ADGRG2: variants seen among roughly 807,000 people sequenced by gnomAD.
ADGRG2 encodes the protein G protein-coupled receptor 64.
ADGRG2 carries 26 observed loss-of-function variants against 74.1 expected under a neutral mutation model. The ratio of observed to expected loss-of-function variants is 0.35; its 90% CI spans 0.26 to 0.49. The LOEUF (loss-of-function observed/expected upper bound fraction) is 0.49, where lower values mean the gene tolerates loss of function less well. Among genes scored for constraint, ADGRG2 ranks in the 20% least tolerant of loss-of-function variants. ADGRG2 has a pLI of 0.99. For missense variants in ADGRG2, 619 were observed against 763.1 expected, an observed-to-expected ratio of 0.81 and a Z score of 2.22; for synonymous variants, 296 against 295.2, an observed-to-expected ratio of 1.00 and a Z score of -0.03.
In ADGRG2 at chrX:18,996,108, T is replaced by C. The variant is rs773028651; in HGVS notation, c.2659A>G (p.Arg887Gly). 8.4e-7 allele frequency: 1 copy of C among 1,188,798 alleles called. No homozygotes were observed. The highest frequency in any genetic ancestry group is 2.2e-5 in the Admixed American group (1 of 45,787). Residue 887 changes from arginine (R) to glycine (G), a missense_variant, in exon 27 of 29, where the codon AGG becomes GGG. Arg to Gly is a moderately radical substitution (Grantham distance 125, BLOSUM62 -2). Transcript: ENST00000379869. ...IFYCVAKENV[R>G]KQWRRYLCCG... is the part of the protein sequence containing the mutation. ...CAAAGATACCGCCTCCATTGCTTCC[T>C]GACATTTTCTTTGGCCACACAGTAA... is the stretch of plus-strand genomic sequence containing the variant.
chrX:19,084,897 T>A (rs2061914645), intron 1 of ADGRG2, among the ~76,000 whole-genome samples: 1 of 112,625 alleles, frequency 8.9e-6, no homozygotes, highest in Admixed American at 9.4e-5. Flanking sequence ...TTGAAAAGCC[T>A]AGTAATATCC....
rs769332334 is a variant in ADGRG2, at chrX:19,004,790, C to A, written c.1929G>T (p.Leu643=). ...YIGCGLSSIF[L]SVTLVTYIAF... is the part of the protein sequence containing the mutation. Reference sequence around the variant, plus strand: ...CTATGTAGGTTACAAGAGTCACTGACAGAAAAATTGATGAAAGCCCACAAC... The same window carrying A: ...CTATGTAGGTTACAAGAGTCACTGAAAGAAAAATTGATGAAAGCCCACAAC... The change falls in exon 23 of 29, where the codon CTG becomes CTT. Residue 643 remains leucine (L), a synonymous_variant. Coordinates refer to ENST00000379869, the MANE Select transcript of ADGRG2 (RefSeq NM_001079858.3). 3 of 1,208,784 alleles carry A rather than the reference C, an allele frequency of 2.5e-6. No individual in the cohort carries two copies. The South Asian group carries it at 5.3e-5, about 21-fold the overall frequency.
At chrX:19,016,870 G>A (rs1338776671) in intron 15 of ADGRG2, among the ~76,000 whole-genome samples, 1 of 108,794 alleles carries the variant, frequency 9.2e-6, no homozygotes, top group Non-Finnish European at 1.9e-5. Context: ...GGGACTACAG[G>A]TGTACATCAC....
At chrX:19,032,156 T>A (rs779785998) in intron 8 of ADGRG2, 1 of 111,792 alleles carries the variant, frequency 8.9e-6, no homozygotes, top group African/African-American at 3.2e-5. Flanking sequence ...TTTCTGCTAG[T>A]GTGATTTATT....
intron 4 of ADGRG2, among the ~76,000 whole-genome samples, 184 bp downstream of exon 4, chrX:19,040,005 C>T (rs992580530): frequency 3.6e-5 from 4 of 112,047 alleles, no homozygotes; most frequent in African/African-American, 1.3e-4. Flanking sequence ...GCAATATGGA[C>T]GGATCAATAT....
intron 9 of ADGRG2, among the ~76,000 whole-genome samples, chrX:19,029,004 T>C (rs1451414284): frequency 8.9e-6 from 1 of 111,937 alleles, no homozygotes; most frequent in Non-Finnish European, 1.9e-5. Flanking sequence ...AAAACTTTAT[T>C]TACAAAAACA....
In ADGRG2 at chrX:19,007,349, G is replaced by A. The variant is rs1172037843; in HGVS notation, c.1575C>T (p.Ser525=). ...AGCTGATCAGAGAGAGGTTCTCCAG[G>A]GAAGGATCCTGGCACATCAAGATGG... ...FETPALFQDP[S]LENLSLISYV... is the part of the protein sequence containing the mutation. The change falls in exon 20 of 29, where the codon TCC becomes TCT. Residue 525 remains serine (S), a synonymous_variant. Coordinates refer to ENST00000379869, the MANE Select transcript of ADGRG2 (RefSeq NM_001079858.3). The A allele has an allele frequency of 7.4e-6, 9 of 1,208,504 alleles. No homozygotes were observed. The highest frequency in any genetic ancestry group is 4.6e-4 in the Middle Eastern group (2 of 4,348).
chrX:19,082,553 A>AAAAAC (rs1291900017), intron 2 of ADGRG2, 149 bp downstream of exon 2: 1 of 111,486 alleles, frequency 9.0e-6, no homozygotes, highest in African/African-American at 3.3e-5. Context: ...GTGAGGAGTT[A>AAAAAC]AAAACAAAAC....
At chrX:19,044,370 CTT>C (rs2061134225) in intron 3 of ADGRG2, among the ~76,000 whole-genome samples, 1 of 111,789 alleles carries the variant, frequency 8.9e-6, no homozygotes, top group South Asian at 3.7e-4. Flanking sequence ...TCTGACTCCT[CTT>C]CACTTTTAAG....
chrX:19,086,400 C>T (rs2061936546), intron 1 of ADGRG2, among the ~76,000 whole-genome samples: 2 of 111,713 alleles, frequency 1.8e-5, no homozygotes, highest in Non-Finnish European at 3.8e-5. Flanking sequence ...CAAACCATGA[C>T]ATCAGGGAGG....
intron 24 of ADGRG2, among the ~76,000 whole-genome samples, chrX:19,000,520 G>C (rs898803434): frequency 1.8e-5 from 2 of 111,435 alleles, no homozygotes; most frequent in Admixed American, 9.5e-5. Flanking sequence ...CCACTTCCAG[G>C]CCTGCCCCAT....
intron 8 of ADGRG2, 162 bp downstream of exon 8, chrX:19,033,451 A>C: frequency 2.6e-6 from 1 of 384,068 alleles, no homozygotes. Context: ...CCAAACACCT[A>C]GTACAATTTC....
chrX:18,999,952 C>T lies in ADGRG2; in HGVS notation c.2239G>A (p.Ala747Thr), dbSNP rs926004663. 8.9e-7 allele frequency: 1 copy of T among 1,117,989 alleles called. No homozygotes were observed. Among genetic ancestry groups the T allele is most frequent in the African/African-American group, 1.8e-5 (1 of 55,323 alleles). The allele number at this position is 1,117,989 out of a possible 1,213,427, so 92.1% of individuals were successfully genotyped here. ...GTCAGGATGATGGTCACAACCACAG[C>T]TGGTACCCCTGGAAGATGGGAAACA... Reference protein sequence around the residue: ...KFCIVGWGVPAVVVTIILTIS... With the variant: ...KFCIVGWGVPTVVVTIILTIS... Residue 747 changes from alanine (A) to threonine (T), a missense_variant, in exon 25 of 29, where the codon GCT (alanine) becomes ACT (threonine). By Grantham distance (58) the Ala-to-Thr change is moderately conservative. Transcript: ENST00000379869.
At chrX:19,097,502 C>T (rs940080950) in intron 1 of ADGRG2, among the ~76,000 whole-genome samples, 3 of 112,173 alleles carry the variant, frequency 2.7e-5, no homozygotes, top group Non-Finnish European at 5.6e-5. Context: ...CAGGGTGAGA[C>T]TCCGTCTCAA....
At chrX:19,057,140 G>A (rs1032334306) in intron 3 of ADGRG2, among the ~76,000 whole-genome samples, 1 of 111,674 alleles carries the variant, frequency 9.0e-6, no homozygotes, top group Admixed American at 9.6e-5. Flanking sequence ...CAAACAATGT[G>A]GTATCAGTAA....
At chrX:19,098,766 G>A (rs1423723584) in intron 1 of ADGRG2, among the ~76,000 whole-genome samples, 1 of 111,895 alleles carries the variant, frequency 8.9e-6, no homozygotes, top group African/African-American at 3.3e-5. Context: ...GGGAGGTCAG[G>A]GAGTGAGCCA....
chrX:19,107,636 T>C (rs1226269196), intron 1 of ADGRG2, among the ~76,000 whole-genome samples: 2 of 84,717 alleles, frequency 2.4e-5, no homozygotes, highest in Non-Finnish European at 4.0e-5. Context: ...TTTTGTTTTT[T>C]GTTTTTTTTT....
intron 2 of ADGRG2, among the ~76,000 whole-genome samples, chrX:19,070,754 C>A (rs1006148601): frequency 2.7e-5 from 3 of 112,038 alleles, no homozygotes; most frequent in African/African-American, 9.7e-5. Context: ...TGTGAATACA[C>A]AGTGGTGAAG....
chrX:19,006,307 C>CA, intron 20 of ADGRG2, 42 bp from the exon 21 acceptor site: 4 of 725,853 alleles, frequency 5.5e-6, no homozygotes, highest in Non-Finnish European at 7.9e-6. Flanking sequence ...ATTTACTGAA[C>CA]TAAAAAAAAA....
Sources: allele counts gnomAD v4.1 joint callset (sites outside exome capture counted in the v4.1 genomes callset), GRCh38; gene constraint gnomAD v4.1.1; transcripts MANE v1.5; gene names NCBI Gene and HGNC (gene_info 2026-07-23, HGNC 2026-07-21).